KMT2D: variants seen among roughly 807,000 people sequenced by gnomAD.
KMT2D encodes the protein histone-lysine N-methyltransferase 2D.
A neutral mutation model predicts 512.7 loss-of-function variants in KMT2D; 55 were observed. That is an observed-to-expected ratio of 0.11 (90% confidence interval 0.09 to 0.13). The LOEUF is 0.13. KMT2D is among the 10% of genes least tolerant of loss of function. KMT2D has a pLI of 1.00. For synonymous variants in KMT2D, 2,995 were observed against 2,904.0 expected, an observed-to-expected ratio of 1.03 and a Z score of -1.01; for missense variants, 6,061 against 7,127.9, an observed-to-expected ratio of 0.85 and a Z score of 5.39.
chr12:49,054,547 G>A lies in KMT2D; in HGVS notation c.381C>T (p.Ala127=), dbSNP rs1016972609. 2.5e-6 allele frequency: 4 copies of A among 1,611,474 alleles called. No homozygotes were observed. The highest frequency in any genetic ancestry group is 1.3e-5 in the African/African-American group (1 of 74,842). The part of the protein sequence containing the change: ...QIGFPEGLTP[A]HLGEPGGSCW... ...ACTCACCTCCAGGTTCTCCTAGGTGGGCAGGTGTAAGGCCCTCAGGGAAAC... is the reference window on the plus strand; with the variant it reads ...ACTCACCTCCAGGTTCTCCTAGGTGAGCAGGTGTAAGGCCCTCAGGGAAAC... Residue 127 remains alanine, a synonymous_variant, in exon 4 of 55, where the codon GCC becomes GCT. Coordinates refer to ENST00000301067, the MANE Select transcript of KMT2D (RefSeq NM_003482.4). This position sits in a 1 kb window ranked among gnomAD's most constrained non-coding sequence, Gnocchi z 6.4.
Position 49,033,525 on chromosome 12 carries a change from C to A in KMT2D, c.11180G>T (p.Arg3727Leu). The A allele has an allele frequency of 1.2e-6, 2 of 1,612,828 alleles. No individual in the cohort carries two copies. The highest frequency in any genetic ancestry group is 1.7e-6 in the Non-Finnish European group (2 of 1,179,398). Residue 3727 changes from arginine (R) to leucine (L), a missense_variant, in exon 40 of 55, where the codon CGT (arginine) becomes CTT (leucine). Physicochemically the swap from Arg to Leu is moderately radical, Grantham distance 102. Around this residue, in one of 16 missense-constraint regions of KMT2D, gnomAD observed 1,600 missense variants for 1,754.9 expected, o/e 0.91. Transcript: ENST00000301067. ...QERQLQLQQQ[R>L]MQLAQKLQQQ... ...CTGCAGTTTCTGGGCCAGCTGCATA[C>A]GTTGCTGCTGCAGCTGCAGCTGCCT... is the stretch of plus-strand genomic sequence containing the variant.
In KMT2D at chr12:49,037,584, T is replaced by C. The variant is rs1465882339; in HGVS notation, c.9772A>G (p.Lys3258Glu). 3 of 1,555,114 alleles carry C rather than the reference T, an allele frequency of 1.9e-6. No individual in the cohort carries two copies. Among genetic ancestry groups the C allele is most frequent in the African/African-American group, 1.4e-5 (1 of 73,316 alleles). ...AGCTGCTGCTTCTTCTGCAGCTCCT[T>C]CTTCTCATGCTCCAACAGGTCCTCA... is the stretch of plus-strand genomic sequence containing the variant. The part of the protein sequence containing the change: ...LIEDLLEHEK[K>E]ELQKKQQLSA... The change falls in exon 35 of 55, where the codon AAG (lysine) becomes GAG (glutamate). Residue 3258 changes from lysine (K) to glutamate (E), a missense_variant. This residue lies in a region of KMT2D where 533 missense variants were observed against 539.6 expected (regional missense o/e 0.99). Transcript: ENST00000301067.
At position 49,039,688 on chromosome 12, in the gene KMT2D, C is replaced by T. The variant is rs1328927100; in HGVS notation, c.8046+36G>A. On this transcript the variant is annotated intron_variant, in intron 32 of 54. Transcript: ENST00000301067. The surrounding 1 kb of genome is among the most constrained non-coding windows in gnomAD (Gnocchi z 5.0). ...CATAGGGCTGCCCCAGAGACAGGAG[C>T]GATATAGGGGGCTTAGCTCCAGGGT... 2.1e-5 allele frequency: 33 copies of T among 1,604,244 alleles called. No individual in the cohort carries two copies. Among genetic ancestry groups the T allele is most frequent in the Non-Finnish European group, 2.6e-5 (30 of 1,175,884 alleles).
rs367726813 is a variant in KMT2D, at chr12:49,034,630, C to G, written c.10392G>C (p.Gly3464=). 6.2e-7 allele frequency: 1 copy of G among 1,613,646 alleles called. No homozygotes were observed. Among genetic ancestry groups the G allele is most frequent in the Non-Finnish European group, 8.5e-7 (1 of 1,179,798 alleles). ...GGTTCTGCAGATCACTGCTAGGTCC[C>G]CCCGAGAGCCTCTGGGCTAGCAGAG... ...QVSLLAQRLS[G]GPSSDLQNHV... is the part of the protein sequence containing the mutation. The change falls in exon 37 of 55, where the codon GGG becomes GGC. Residue 3464 remains glycine (G), a synonymous_variant. Transcript: ENST00000301067.
rs769247460 is a variant in KMT2D at position 49,038,837 on chromosome 12, G to A, written c.8519C>T (p.Thr2840Ile). Residue 2840 changes from threonine (T) to isoleucine (I), a missense_variant, in exon 35 of 55, where the codon ACT becomes ATT. By Grantham distance (89) the Thr-to-Ile change is moderately conservative (BLOSUM62 -1). Around this residue, in one of 16 missense-constraint regions of KMT2D, gnomAD observed 527 missense variants for 578.9 expected, o/e 0.91. Transcript: ENST00000301067. The surrounding 1 kb of genome is among the most constrained non-coding windows in gnomAD (Gnocchi z 5.7). ...TTGGCGGCCAAGTTCAGGTCCAGGA[G>A]TTGATGGAAAGCGAGCTGACATGGC... ...RFAMSARFPS[T>I]PGPELGRQAL... 8 of 1,557,414 alleles carry A rather than the reference G, an allele frequency of 5.1e-6. No individual in the cohort carries two copies. In the African/African-American group the frequency reaches 1.1e-4, roughly 21 times the overall value.
At position 49,039,403 on chromosome 12, in the gene KMT2D, C is replaced by T. The variant is rs1943378823; in HGVS notation, c.8229+32G>A. The stretch of plus-strand genomic sequence containing the variant: ...TGAAGGTGGAGCAACCTTCAATATC[C>T]TGGCCCCACTATCCCTTGCCACTCT... On this transcript the variant is annotated intron_variant, in intron 33 of 54. Transcript: ENST00000301067. The surrounding 1 kb of genome is among the most constrained non-coding windows in gnomAD (Gnocchi z 5.0). The T allele has an allele frequency of 6.2e-7, 1 of 1,604,528 alleles. No homozygotes were observed. The highest frequency in any genetic ancestry group is 8.5e-7 in the Non-Finnish European group (1 of 1,174,520).
At position 49,060,455 on chromosome 12, in the gene KMT2D, G is replaced by C. The variant is rs1938683045; in HGVS notation, c.-880C>G. The stretch of plus-strand genomic sequence containing the variant: ...GCACCCCCTCGACCCCCGGCTGACT[G>C]TGATCGCAGGCGGCCTAGAGGTGCA... On this transcript the variant is annotated 5_prime_UTR_variant, in exon 1 of 55. Transcript: ENST00000301067. 6.6e-6 allele frequency among the ~76,000 whole-genome samples: 1 copy of C among 152,222 alleles called. No homozygotes were observed.
intron 36 of KMT2D, 63 bp from the exon 37 acceptor site, chr12:49,034,729 C>G (rs923994587): frequency 3.5e-5 from 56 of 1,606,394 alleles, no homozygotes; most frequent in Non-Finnish European, 4.7e-5. Context: ...AGCAAAGAGA[C>G]GTGGGACAAG....
In KMT2D at chr12:49,037,198, T is replaced by C. The variant is rs1173055949; in HGVS notation, c.10158A>G (p.Pro3386=). The C allele has an allele frequency of 6.8e-6, 11 of 1,608,888 alleles. No homozygotes were observed. The highest frequency in any genetic ancestry group is 1.1e-5 in the South Asian group (1 of 90,900). ...GCTGCGGCTTCATGCACATGGAAGG[T>C]GGCATGGTGCCCATGGGCTTCTGTG... The part of the protein sequence containing the change: ...VLSQKPMGTM[P]PSMCMKPQQL... Residue 3386 remains proline (P), a synonymous_variant, in exon 35 of 55, where the codon CCA becomes CCG. Transcript: ENST00000301067.
Position 49,046,084 on chromosome 12 carries a change from G to A in KMT2D, c.4674C>T (p.Pro1558=), listed in dbSNP as rs2120599911. The A allele has an allele frequency of 6.2e-7, 1 of 1,611,586 alleles. No individual in the cohort carries two copies. The highest frequency in any genetic ancestry group is 2.2e-5 in the East Asian group (1 of 44,792). The part of the protein sequence containing the change: ...DEGFDCVSCQ[P]YVVKPVAPVA... ...ACTCACCCACAGGCTTTACCACGTA[G>A]GGCTGGCAGGAGACACAGTCAAAGC... The change falls in exon 18 of 55, where the codon CCC becomes CCT. Residue 1558 remains proline, a synonymous_variant. Coordinates refer to ENST00000301067, the MANE Select transcript of KMT2D (RefSeq NM_003482.4). The surrounding 1 kb of genome is among the most constrained non-coding windows in gnomAD (Gnocchi z 4.2).
chr12:49,028,715 A>G lies in KMT2D; in HGVS notation c.14382+113T>C, dbSNP rs1227159997. 8.8e-6 allele frequency: 12 copies of G among 1,367,678 alleles called. No homozygotes were observed. In the East Asian group the frequency reaches 2.8e-4, roughly 32 times the overall value. The allele number at this position is 1,367,678 out of a possible 1,614,324, so 84.7% of individuals were successfully genotyped here. ...CCTCTAGCCCAGGCTTTCACATACAATAGGTACTCAGTACATGTGCTTGAA... is the reference window on the plus strand; with the variant it reads ...CCTCTAGCCCAGGCTTTCACATACAGTAGGTACTCAGTACATGTGCTTGAA... On this transcript the variant is annotated intron_variant, in intron 46 of 54. Transcript: ENST00000301067.
Position 49,042,187 on chromosome 12 carries a change from T to C in KMT2D, c.6011A>G (p.Gln2004Arg), listed in dbSNP as rs1419446311. ...DGLSYNQRSL[Q>R]RWEKDEELGQ... is the part of the protein sequence containing the mutation. Reference sequence around the variant, plus strand: ...CAACTCCTCATCCTTCTCCCAGCGCTGAAGACTCCGCTGGTTATAGGAGAG... The same window carrying C: ...CAACTCCTCATCCTTCTCCCAGCGCCGAAGACTCCGCTGGTTATAGGAGAG... Residue 2004 changes from glutamine (Q) to arginine (R), a missense_variant, in exon 29 of 55, where the codon CAG becomes CGG. Physicochemically the swap from Gln to Arg is conservative, Grantham distance 43. Coordinates refer to ENST00000301067, the MANE Select transcript of KMT2D (RefSeq NM_003482.4). This position sits in a 1 kb window ranked among gnomAD's most constrained non-coding sequence, Gnocchi z 4.4. 5 of 1,611,042 alleles carry C rather than the reference T, an allele frequency of 3.1e-6. No homozygotes were observed. The highest frequency in any genetic ancestry group is 1.3e-5 in the African/African-American group (1 of 74,992).
chr12:49,036,335 A>C (rs1030351009), intron 35 of KMT2D, among the ~76,000 whole-genome samples: 5 of 150,468 alleles, frequency 3.3e-5, no homozygotes, highest in African/African-American at 1.2e-4. Context: ...TTTTTAAGAC[A>C]GAGTCTCGCT....
chr12:49,029,155 G>T lies in KMT2D; in HGVS notation c.14157C>A (p.Ala4719=). 2 of 1,613,792 alleles carry T rather than the reference G, an allele frequency of 1.2e-6. No individual in the cohort carries two copies. The highest frequency in any genetic ancestry group is 2.7e-5 in the African/African-American group (2 of 75,042). ...SSPESILGEE[A]PRFPHLGSGR... ...CTGAGCCCAGATGAGGGAAACGAGG[G>T]GCCTCCTCCCCCAAGATGCTCTCAG... Residue 4719 remains alanine, a synonymous_variant, in exon 45 of 55, where the codon GCC becomes GCA. Transcript: ENST00000301067.
chr12:49,046,244 A>C lies in KMT2D; in HGVS notation c.4583+16T>G. ...CTGGCAACAGGGCCAAAGTGAGGAG[A>C]AAGGGATGTTCTCACCGTTCACAGT... On this transcript the variant is annotated intron_variant, in intron 17 of 54. Coordinates refer to ENST00000301067, the MANE Select transcript of KMT2D (RefSeq NM_003482.4). The surrounding 1 kb of genome is among the most constrained non-coding windows in gnomAD (Gnocchi z 4.2). 6.2e-7 allele frequency: 1 copy of C among 1,613,904 alleles called. No individual in the cohort carries two copies. The highest frequency in any genetic ancestry group is 8.5e-7 in the Non-Finnish European group (1 of 1,179,844).
rs896979962 is a variant in KMT2D, at chr12:49,039,067, G to C, written c.8367-78C>G. On this transcript the variant is annotated intron_variant, in intron 34 of 54. Coordinates refer to ENST00000301067, the MANE Select transcript of KMT2D (RefSeq NM_003482.4). This position sits in a 1 kb window ranked among gnomAD's most constrained non-coding sequence, Gnocchi z 5.0. ...AACATGGGCTTAGGGCAGTGAGGAA[G>C]GATAGAATTAATGCAGTGAGGGAGA... The C allele has an allele frequency of 6.6e-7, 1 of 1,519,850 alleles. No homozygotes were observed. Among genetic ancestry groups the C allele is most frequent in the Non-Finnish European group, 9.0e-7 (1 of 1,107,692 alleles). 94.1% of individuals were successfully genotyped at this position (1,519,850 alleles called of 1,614,324 possible). A position where few individuals can be genotyped will look rare whatever the true frequency, so the allele number is the denominator to read the frequency against.
chr12:49,043,262 G>C, intron 25 of KMT2D, 76 bp from the exon 26 acceptor site: 3 of 1,547,914 alleles, frequency 1.9e-6, no homozygotes, highest in Non-Finnish European at 1.8e-6. Context: ...AGGGCCATGG[G>C]ACAGTTTCCA....
intron 43 of KMT2D, among the ~76,000 whole-genome samples, chr12:49,030,015 A>G (rs1003070444): frequency 6.6e-6 from 1 of 152,160 alleles, no homozygotes; most frequent in African/African-American, 2.4e-5. Flanking sequence ...CACACTCACT[A>G]AAGCTGGACT....
intron 15 of KMT2D, 80 bp downstream of exon 15, chr12:49,047,885 G>C (rs1462614169): frequency 8.3e-6 from 8 of 958,150 alleles, no homozygotes; most frequent in Non-Finnish European, 1.3e-5. Flanking sequence ...TTTAAGAGGT[G>C]GTATGGCCAG....
Sources: allele counts gnomAD v4.1 joint callset (sites outside exome capture counted in the v4.1 genomes callset), GRCh38; gene constraint gnomAD v4.1.1; regional missense constraint gnomAD v4.1.1; non-coding constraint Gnocchi (gnomAD v3.1); transcripts MANE v1.5; gene names NCBI Gene and HGNC (gene_info 2026-07-23, HGNC 2026-07-21).